Variants in TRIM14 observed in about 807,000 individuals in gnomAD.
TRIM14 encodes the protein tripartite motif-containing protein 14.
Under a neutral mutation model 44.5 loss-of-function variants are expected in TRIM14, and 28 were observed. That is an observed-to-expected ratio of 0.63 (90% CI 0.47 to 0.86). The LOEUF is 0.86. Ranked by LOEUF, TRIM14 falls within the 40% of genes least tolerant of loss-of-function variation. The pLI, the probability that TRIM14 is intolerant of heterozygous loss-of-function variation, is 0.00. For missense variants in TRIM14, 607 were observed against 611.1 expected (o/e 0.99, Z 0.07); for synonymous variants, 299 against 269.2 (o/e 1.11, Z -1.08).
the TRIM14 span, among the ~76,000 whole-genome samples, chr9:98,036,006 C>T: frequency 9.2e-5 from 14 of 151,560 alleles, no homozygotes; most frequent in African/African-American, 3.2e-4. Context: ...GTCAGGAATT[C>T]GAGACCAGCC....
rs373631177 is a variant in TRIM14 at position 98,100,099 on chromosome 9, G to C, written c.369C>G (p.Asp123Glu). The stretch of plus-strand genomic sequence containing the variant: ...ATTTCTTGGCCAGCGCTTCCTCTTC[G>C]TCAAGTAGTAATCTGAGTTCAGTGA... ...GKFTELRLLLDEEEALAKKFI... is the reference protein window; with the variant it reads ...GKFTELRLLLEEEEALAKKFI... The change falls in exon 3 of 6, where the codon GAC becomes GAG. Residue 123 changes from aspartate (D) to glutamate (E), a missense_variant. Coordinates refer to ENST00000341469, the MANE Select transcript of TRIM14 (RefSeq NM_014788.4). 6.2e-7 allele frequency: 1 copy of C among 1,614,152 alleles called. No individual in the cohort carries two copies. Among genetic ancestry groups the C allele is most frequent in the East Asian group, 2.2e-5 (1 of 44,886 alleles).
chr9:98,078,405 CT>C, intron 6 of TRIM14: 1 of 1,556,558 alleles, frequency 6.4e-7, no homozygotes, highest in East Asian at 2.3e-5. Flanking sequence ...AAGGCGTAGT[CT>C]TTTTTATAAC....
chr9:98,078,929 G>A (rs529094420), intron 6 of TRIM14, among the ~76,000 whole-genome samples: 4 of 151,884 alleles, frequency 2.6e-5, no homozygotes, highest in African/African-American at 4.8e-5. Context: ...GAACACTAGC[G>A]TACAGATAAA....
At chr9:98,093,919 T>C (rs910508737) in intron 4 of TRIM14, among the ~76,000 whole-genome samples, 2 of 152,080 alleles carry the variant, frequency 1.3e-5, no homozygotes, top group Non-Finnish European at 2.9e-5. Flanking sequence ...CTAATTTTTG[T>C]ATTTGTAGTA....
chr9:98,062,961 G>A, the TRIM14 span, among the ~76,000 whole-genome samples: 2 of 151,636 alleles, frequency 1.3e-5, no homozygotes, highest in South Asian at 2.1e-4. Flanking sequence ...TTTTGAGATG[G>A]AGTCTCACTC....
At chr9:98,110,014 G>A (rs762481762) in intron 1 of TRIM14, 30 bp from the exon 2 acceptor site, 26 of 1,551,310 alleles carry the variant, frequency 1.7e-5, no homozygotes, top group Middle Eastern at 1.7e-4. Flanking sequence ...GAAAAAAGTC[G>A]TAATACTGTC....
intron 1 of TRIM14, chr9:98,110,256 A>G: frequency 2.4e-6 from 1 of 414,528 alleles, no homozygotes; most frequent in Non-Finnish European, 4.4e-6. Flanking sequence ...CTTGCCTGTG[A>G]CTTGCTTTTC....
At chr9:98,061,636 T>G in the TRIM14 span, among the ~76,000 whole-genome samples, 1 of 149,676 alleles carries the variant, frequency 6.7e-6, no homozygotes, top group Non-Finnish European at 1.5e-5. Flanking sequence ...AAAAATTAGC[T>G]GGGCGTGGTG....
At chr9:98,060,814 G>C in the TRIM14 span, 1 of 1,614,206 alleles carries the variant, frequency 6.2e-7, no homozygotes, top group Non-Finnish European at 8.5e-7. Context: ...AGTTCCAGAA[G>C]AGTGAGCTAG....
chr9:98,114,065 G>T (rs927324320), intron 1 of TRIM14, among the ~76,000 whole-genome samples: 21 of 152,138 alleles, frequency 1.4e-4, no homozygotes, highest in African/African-American at 4.1e-4. Flanking sequence ...GACACATTAG[G>T]CTTATTTGGG....
the TRIM14 span, among the ~76,000 whole-genome samples, chr9:98,051,982 T>TA: frequency 6.6e-6 from 1 of 152,042 alleles, no homozygotes; most frequent in African/African-American, 2.4e-5. Context: ...GAGCCAAGTA[T>TA]CCCTCCTAAC....
At chr9:98,076,971 T>A in intron 6 of TRIM14, 2 of 1,611,860 alleles carry the variant, frequency 1.2e-6, no homozygotes, top group Non-Finnish European at 1.7e-6. Flanking sequence ...AAGTTGGATC[T>A]GGAGACACTA....
intron 1 of TRIM14, 40 bp from the exon 2 acceptor site, chr9:98,110,024 C>T (rs1826786194): frequency 6.6e-7 from 1 of 1,506,458 alleles, no homozygotes; most frequent in Non-Finnish European, 9.2e-7. Context: ...GTAATACTGT[C>T]ACTTTCCAAA....
intron 6 of TRIM14, chr9:98,078,380 C>A: frequency 6.2e-7 from 1 of 1,601,684 alleles, no homozygotes; most frequent in Non-Finnish European, 8.5e-7. Context: ...CCTTCTTGGG[C>A]CATTTACTAT....
At chr9:98,074,963 G>A (rs1829517719) in intron 6 of TRIM14, 1 of 151,992 alleles carries the variant, frequency 6.6e-6, no homozygotes, top group South Asian at 2.1e-4. Context: ...TCTGTCTTAG[G>A]GCTAGTTAGC....
intron 2 of TRIM14, among the ~76,000 whole-genome samples, chr9:98,107,762 G>A (rs967846002): frequency 2.0e-5 from 3 of 152,032 alleles, no homozygotes; most frequent in Non-Finnish European, 4.4e-5. Flanking sequence ...CACCTCCTGG[G>A]TTCAAGCGAT....
chr9:98,056,746 AGGC>A, the TRIM14 span: 1,374 of 1,562,822 alleles, frequency 8.8e-4, 25 homozygotes, highest in East Asian at 0.022. Context: ...AACAGAGTAG[AGGC>A]GGCGGCGGCG....
At chr9:98,049,391 AC>A in the TRIM14 span, among the ~76,000 whole-genome samples, 3 of 143,070 alleles carry the variant, frequency 2.1e-5, 1 homozygote, top group South Asian at 6.9e-4. Context: ...TATGCAGAGC[AC>A]CCCCAAGGGC....
the TRIM14 span, among the ~76,000 whole-genome samples, chr9:98,040,042 CTA>C: frequency 4.6e-5 from 7 of 152,244 alleles, no homozygotes; most frequent in South Asian, 1.5e-3. Context: ...CCAGGTCTCA[CTA>C]TGTTGCCTAG....
Sources: allele counts gnomAD v4.1 joint callset (sites outside exome capture counted in the v4.1 genomes callset), GRCh38; gene constraint gnomAD v4.1.1; transcripts MANE v1.5; gene names NCBI Gene and HGNC (gene_info 2026-07-23, HGNC 2026-07-21).